Variants in MX1 observed in about 807,000 individuals in gnomAD.
MX1 encodes interferon-induced GTP-binding protein Mx1.
MX1 carries 66 observed loss-of-function variants against 66.4 expected under a neutral mutation model. The ratio of observed to expected loss-of-function variants is 0.99; its 90% CI spans 0.82 to 1.22. MX1 has a LOEUF of 1.22. Among genes scored for constraint, MX1 ranks in the 50% most tolerant of loss-of-function variants. The pLI is 0.00. For missense variants in MX1, 787 were observed against 834.3 expected (o/e 0.94, Z 0.70); for synonymous variants, 311 against 318.1 (o/e 0.98, Z 0.24).
chr21:41,425,679 G>A (rs462903), upstream of MX1, among the ~76,000 whole-genome samples: 105,213 of 152,014 alleles, frequency 0.69, 37,980 homozygotes, highest in East Asian at 1. Context: ...CCCTGGAGAG[G>A]CCAGATGAGC....
rs1193374283 is a variant in MX1 at position 41,439,704 on chromosome 21, C to T, written c.447C>T (p.Ala149=). The part of the protein sequence containing the change: ...VEKEINKAQN[A]IAGEGMGISH... ...CTGTCTCTTTTCTAGCCCAGAATGC[C>T]ATCGCCGGGGAAGGAATGGGAATCA... The change falls in exon 8 of 17, where the codon GCC becomes GCT. Residue 149 remains alanine, a synonymous_variant. Coordinates refer to ENST00000398598, the MANE Select transcript of MX1 (RefSeq NM_002462.5). The T allele has an allele frequency of 8.7e-6, 14 of 1,613,594 alleles. No individual in the cohort carries two copies. In the East Asian group the frequency reaches 1.6e-4, roughly 18 times the overall value.
chr21:41,423,931 C>T (rs887190239), upstream of MX1, among the ~76,000 whole-genome samples: 5 of 152,150 alleles, frequency 3.3e-5, no homozygotes, highest in East Asian at 1.9e-4. Flanking sequence ...ACTGCCCTTC[C>T]GAGTCCTGCC....
At chr21:41,446,780 G>A (rs970869127) in intron 13 of MX1, among the ~76,000 whole-genome samples, 1 of 152,212 alleles carries the variant, frequency 6.6e-6, no homozygotes, top group Non-Finnish European at 1.5e-5. Flanking sequence ...CTCCTCTGTT[G>A]ATACCATCAC....
intron 8 of MX1, 55 bp downstream of exon 8, chr21:41,439,903 A>C (rs1355331223): frequency 1.6e-4 from 89 of 557,606 alleles, no homozygotes; most frequent in Non-Finnish European, 2.4e-4. Flanking sequence ...GGGGGAGTGG[A>C]GGGGTGGGAG....
intron 7 of MX1, among the ~76,000 whole-genome samples, chr21:41,437,681 T>A (rs1188108627): frequency 1.3e-5 from 2 of 152,176 alleles, no homozygotes; most frequent in African/African-American, 4.8e-5. Flanking sequence ...TCTAGAATAA[T>A]GTGAATTTTA....
chr21:41,436,986 GGAGC>G (rs763121684), intron 6 of MX1, 25 bp from the exon 7 acceptor site: 5 of 1,612,576 alleles, frequency 3.1e-6, no homozygotes, highest in Non-Finnish European at 4.2e-6. Flanking sequence ...AGAGCAAAGT[GGAGC>G]ACTGATGTGG....
chr21:41,428,719 T>C (rs1340822774), intron 3 of MX1: 2 of 152,216 alleles, frequency 1.3e-5, no homozygotes, highest in African/African-American at 4.8e-5. Context: ...CACACATGCT[T>C]ACCACTTTGA....
intron 15 of MX1, among the ~76,000 whole-genome samples, chr21:41,451,878 T>C (rs7276891): frequency 0.51 from 72,166 of 142,216 alleles, 19,850 homozygotes; most frequent in African/African-American, 0.71. Context: ...CCATCCAGAG[T>C]GAGGAAAGAG....
At chr21:41,445,381 C>T (rs1043480920) in intron 11 of MX1, 67 bp from the exon 12 acceptor site, 36 of 1,587,200 alleles carry the variant, frequency 2.3e-5, no homozygotes, top group East Asian at 6.7e-5. Context: ...GAGGGAGGCC[C>T]GGGACCTCCT....
At chr21:41,436,215 C>A (rs1460896308) in intron 6 of MX1, among the ~76,000 whole-genome samples, 186 bp downstream of exon 6, 1 of 152,230 alleles carries the variant, frequency 6.6e-6, no homozygotes, top group African/African-American at 2.4e-5. Context: ...ACCGCTCCCC[C>A]ATGCGGCCTT....
intron 15 of MX1, among the ~76,000 whole-genome samples, chr21:41,451,676 A>T (rs1279798190): frequency 1.4e-5 from 2 of 145,888 alleles, no homozygotes; most frequent in Admixed American, 1.4e-4. Flanking sequence ...TCTACTAAAA[A>T]TACAAAAAAG....
chr21:41,458,385 G>C (rs1419967115), intron 16 of MX1, 143 bp from the exon 17 acceptor site: 2 of 975,796 alleles, frequency 2.0e-6, no homozygotes, highest in African/African-American at 3.2e-5. Flanking sequence ...AGATTGATGG[G>C]TTTGAAACCC....
chr21:41,449,359 C>T, intron 14 of MX1, 64 bp downstream of exon 14: 1 of 1,530,324 alleles, frequency 6.5e-7, no homozygotes, highest in Non-Finnish European at 8.8e-7. Flanking sequence ...GAACCAAAGC[C>T]AGCACCAAAC....
At chr21:41,434,894 C>T (rs570450590) in intron 5 of MX1, among the ~76,000 whole-genome samples, 1 of 152,328 alleles carries the variant, frequency 6.6e-6, no homozygotes, top group South Asian at 2.1e-4. Flanking sequence ...TCCAGATTTC[C>T]ATTCAGTATC....
chr21:41,440,596 C>T (rs1446887132), intron 8 of MX1, among the ~76,000 whole-genome samples: 1 of 152,144 alleles, frequency 6.6e-6, no homozygotes, highest in African/African-American at 2.4e-5. Flanking sequence ...TTTTGGCCAC[C>T]ATTTTTCATT....
chr21:41,449,605 G>T, intron 14 of MX1: 1 of 236,784 alleles, frequency 4.2e-6, no homozygotes, highest in Non-Finnish European at 8.1e-6. Context: ...AGGTTCTTGC[G>T]ACCCATTCCT....
upstream of MX1, chr21:41,422,784 G>A (rs2090006383): frequency 6.6e-6 from 1 of 152,200 alleles, no homozygotes; most frequent in Non-Finnish European, 1.5e-5. Context: ...AAGAGCGCAG[G>A]TTTGGAGAAT....
At chr21:41,437,280 C>A in intron 7 of MX1, 128 bp downstream of exon 7, 1 of 941,346 alleles carries the variant, frequency 1.1e-6, no homozygotes, top group Non-Finnish European at 1.6e-6. Flanking sequence ...CATCAGGCCA[C>A]GGTTCCTTCT....
chr21:41,447,947 C>G lies in MX1; in HGVS notation c.1274-1190C>G, dbSNP rs147644102. Among the ~76,000 whole-genome samples, 1,441 of 152,282 alleles carry G rather than the reference C, an allele frequency of 9.5e-3. 29 individuals carry two copies. The highest frequency in any genetic ancestry group is 0.032 in the African/African-American group (1,318 of 41,554). ...GTTTCACCATGTTGGCCAGGCTGGT[C>G]TCGACCTCCTGACCTCAGGTGATCA... On this transcript the variant is annotated intron_variant, in intron 13 of 16. Transcript: ENST00000398598.
Sources: gnomAD v4.1 joint callset for allele counts (sites outside exome capture counted in the v4.1 genomes callset) on GRCh38, gnomAD v4.1.1 for gene constraint, MANE v1.5 for transcripts, NCBI Gene and HGNC (gene_info 2026-07-23, HGNC 2026-07-21) for gene names.